The following LIPI variants were observed in gnomAD, a reference collection of about 807,000 sequenced individuals.
LIPI encodes the protein lipase member I.
In LIPI, 59 loss-of-function variants were observed where a neutral mutation model predicts 50.6. The observed-to-expected ratio is 1.16, with a 90% CI of 0.94 to 1.45. The LOEUF is 1.45. Among genes scored for constraint, LIPI ranks in the 40% most tolerant of loss-of-function variants. LIPI has a pLI of 0.00. For missense variants in LIPI, 586 were observed against 536.3 expected, an observed-to-expected ratio of 1.09 and a Z score of -0.92; for synonymous variants, 203 against 178.2, an observed-to-expected ratio of 1.14 and a Z score of -1.11.
At chr21:14,183,343 T>A (rs1231191253) in intron 3 of LIPI, among the ~76,000 whole-genome samples, 1 of 152,212 alleles carries the variant, frequency 6.6e-6, no homozygotes, top group Non-Finnish European at 1.5e-5. Context: ...ATTAAAGACT[T>A]ACATGTTAGT....
intron 9 of LIPI, among the ~76,000 whole-genome samples, chr21:14,114,993 C>A (rs1477418515): frequency 6.6e-6 from 1 of 152,120 alleles, no homozygotes; most frequent in Non-Finnish European, 1.5e-5. Context: ...GATAGACCAG[C>A]CTGACCAACA....
At chr21:14,174,046 C>T (rs1260359851) in intron 4 of LIPI, among the ~76,000 whole-genome samples, 2 of 152,122 alleles carry the variant, frequency 1.3e-5, no homozygotes, top group South Asian at 2.1e-4. Flanking sequence ...TGTGAAATTT[C>T]CTCATATATG....
At chr21:14,135,440 A>C (rs1349165778) in intron 9 of LIPI, among the ~76,000 whole-genome samples, 2 of 151,532 alleles carry the variant, frequency 1.3e-5, no homozygotes, top group Middle Eastern at 3.2e-3. Flanking sequence ...CACTGACACC[A>C]CTCCTCCCCC....
intron 9 of LIPI, among the ~76,000 whole-genome samples, chr21:14,142,461 T>C (rs968444738): frequency 6.7e-6 from 1 of 149,126 alleles, no homozygotes; most frequent in African/African-American, 2.4e-5. Flanking sequence ...TATTTATAGA[T>C]TATAGATAAT....
chr21:14,191,283 A>T (rs1159110265), intron 1 of LIPI, among the ~76,000 whole-genome samples: 1 of 150,060 alleles, frequency 6.7e-6, no homozygotes, highest in African/African-American at 2.4e-5. Context: ...AGGCTGAGGC[A>T]GGAGAATGGC....
At chr21:14,191,245 C>T (rs2019662150) in intron 1 of LIPI, among the ~76,000 whole-genome samples, 1 of 150,660 alleles carries the variant, frequency 6.6e-6, no homozygotes, top group African/African-American at 2.4e-5. Context: ...GGCGTAGTGG[C>T]GGGCGCCTGT....
intron 9 of LIPI, among the ~76,000 whole-genome samples, chr21:14,142,116 C>A (rs571616260): frequency 6.6e-6 from 1 of 152,170 alleles, no homozygotes; most frequent in South Asian, 2.1e-4. Flanking sequence ...AATATAATTT[C>A]TATTCTTATG....
intron 9 of LIPI, 151 bp downstream of exon 9, chr21:14,144,472 C>A (rs781409941): frequency 3.4e-5 from 16 of 467,752 alleles, no homozygotes; most frequent in Non-Finnish European, 5.8e-5. Context: ...ACCTTTATAC[C>A]TTTTTGAGAT....
At chr21:14,190,656 T>A (rs1448363543) in intron 1 of LIPI, among the ~76,000 whole-genome samples, 1 of 152,216 alleles carries the variant, frequency 6.6e-6, no homozygotes, top group Non-Finnish European at 1.5e-5. Context: ...AAGACTTGCA[T>A]TCCATTCCTA....
chr21:14,209,023 C>A (rs1056405216), intron 1 of LIPI, among the ~76,000 whole-genome samples: 4 of 152,140 alleles, frequency 2.6e-5, no homozygotes, highest in African/African-American at 4.8e-5. Flanking sequence ...TGTACTCCAG[C>A]CTGGGTGACA....
chr21:14,191,340 G>A (rs1245672828), intron 1 of LIPI, among the ~76,000 whole-genome samples: 1 of 141,156 alleles, frequency 7.1e-6, no homozygotes. Context: ...TCCCGCCACT[G>A]CACTCCAGCC....
Position 14,173,500 on chromosome 21 carries a change from G to T in LIPI, c.644-7049C>A, listed in dbSNP as rs541128183. Among the ~76,000 whole-genome samples, 6 of 152,312 alleles carry T rather than the reference G, an allele frequency of 3.9e-5. No individual in the cohort carries two copies. In the South Asian group the frequency reaches 1.2e-3, roughly 32 times the overall value. On this transcript the variant is annotated intron_variant, in intron 4 of 9. Coordinates refer to ENST00000681601, the MANE Select transcript of LIPI (RefSeq NM_001302998.2). ...GAAGCCTTAACAGTGAAAAGGGCTAGCAAGCTCAGAATACTCAGGACTGTG... is the reference window on the plus strand; with the variant it reads ...GAAGCCTTAACAGTGAAAAGGGCTATCAAGCTCAGAATACTCAGGACTGTG...
At chr21:14,187,232 C>T (rs2019486807) in intron 2 of LIPI, among the ~76,000 whole-genome samples, 1 of 152,150 alleles carries the variant, frequency 6.6e-6, no homozygotes, top group South Asian at 2.1e-4. Flanking sequence ...AATTAGAAGA[C>T]TACATGAGAG....
chr21:14,130,944 T>G (rs1218554209), intron 9 of LIPI, among the ~76,000 whole-genome samples: 1 of 152,108 alleles, frequency 6.6e-6, no homozygotes, highest in Admixed American at 6.5e-5. Flanking sequence ...CTAACTTTTT[T>G]GTTGTTGTTG....
chr21:14,147,786 C>T (rs2017957217), intron 8 of LIPI, among the ~76,000 whole-genome samples: 1 of 152,132 alleles, frequency 6.6e-6, no homozygotes, highest in African/African-American at 2.4e-5. Flanking sequence ...TTCACTTATT[C>T]AATTAACCAT....
chr21:14,170,027 G>A (rs866025829), intron 4 of LIPI, among the ~76,000 whole-genome samples: 1 of 152,168 alleles, frequency 6.6e-6, no homozygotes, highest in African/African-American at 2.4e-5. Flanking sequence ...AATGAAAAAG[G>A]GGATATCACC....
chr21:14,132,444 T>G (rs2017332872), intron 9 of LIPI, among the ~76,000 whole-genome samples: 1 of 152,136 alleles, frequency 6.6e-6, no homozygotes, highest in African/African-American at 2.4e-5. Flanking sequence ...CAAAAAAGTT[T>G]TGGCCAAAAT....
intron 8 of LIPI, among the ~76,000 whole-genome samples, chr21:14,152,304 G>A (rs970806674): frequency 6.6e-6 from 1 of 151,990 alleles, no homozygotes. Context: ...GTTTCACCAT[G>A]TTAGCCAGGA....
At chr21:14,194,151 T>A (rs573394258) in intron 1 of LIPI, among the ~76,000 whole-genome samples, 1 of 152,154 alleles carries the variant, frequency 6.6e-6, no homozygotes, top group South Asian at 2.1e-4. Flanking sequence ...AAATGGAAAA[T>A]AACAACTGTT....
Sources: allele counts gnomAD v4.1 joint callset (sites outside exome capture counted in the v4.1 genomes callset), GRCh38; gene constraint gnomAD v4.1.1; transcripts MANE v1.5; gene names NCBI Gene and HGNC (gene_info 2026-07-23, HGNC 2026-07-21).